The following GLIPR1L2 variants were observed in gnomAD, a reference collection of about 807,000 sequenced individuals.
GLIPR1L2 encodes the protein GLIPR1-like protein 2.
GLIPR1L2 carries 21 observed loss-of-function variants against 28.4 expected under a neutral mutation model. The ratio of observed to expected loss-of-function variants is 0.74; its 90% confidence interval spans 0.52 to 1.06. The LOEUF is 1.06. Ranked by LOEUF, GLIPR1L2 falls within the 50% of genes least tolerant of loss-of-function variation. The pLI is 0.00. For synonymous variants in GLIPR1L2, 145 were observed against 139.3 expected (o/e 1.04, Z -0.29); for missense variants, 476 against 416.9 (o/e 1.14, Z -1.23).
chr12:75,406,771 AAAAGAGAG>A (rs2045805450), intron 1 of GLIPR1L2, among the ~76,000 whole-genome samples: 2 of 141,370 alleles, frequency 1.4e-5, no homozygotes, highest in Admixed American at 1.5e-4. Context: ...AAAAAAAAAA[AAAAGAGAG>A]AGAGAGAGAA....
At chr12:75,412,494 A>G (rs1327959137) in intron 2 of GLIPR1L2, among the ~76,000 whole-genome samples, 1 of 152,180 alleles carries the variant, frequency 6.6e-6, no homozygotes, top group South Asian at 2.1e-4. Context: ...AAACAAATTT[A>G]CAAGAAAAAA....
chr12:75,431,380 TG>T lies in GLIPR1L2; in HGVS notation c.*220del, dbSNP rs1282525112. The T allele has an allele frequency of 6.9e-6, 3 of 436,228 alleles. No homozygotes were observed. The East Asian group carries it at 1.0e-4, about 15-fold the overall frequency. 27.0% of individuals were successfully genotyped at this position (436,228 alleles called of 1,614,324 possible). A position where few individuals can be genotyped will look rare whatever the true frequency, so the allele number is the denominator to read the frequency against. Reference sequence around the variant, plus strand: ...CAAAAAACATGTAAGGTGGGCTCTTTGACACTAAGAACAGATAAAGACATGA... The same window carrying T: ...CAAAAAACATGTAAGGTGGGCTCTTTACACTAAGAACAGATAAAGACATGA... On this transcript the variant is annotated 3_prime_UTR_variant, in exon 6 of 6. Transcript: ENST00000550916.
At chr12:75,422,767 A>G in intron 3 of GLIPR1L2, 137 bp from the exon 4 acceptor site, 1 of 628,732 alleles carries the variant, frequency 1.6e-6, no homozygotes. Flanking sequence ...TTGAATCTCT[A>G]ATTAAAGTAT....
chr12:75,430,692 G>A, intron 4 of GLIPR1L2, 23 bp from the exon 5 acceptor site: 1 of 1,524,574 alleles, frequency 6.6e-7, no homozygotes, highest in Non-Finnish European at 8.8e-7. Flanking sequence ...TGTAATTTTT[G>A]TGGACTTTCT....
Position 75,418,456 on chromosome 12 carries a change from C to T in GLIPR1L2, c.585-4448C>T, listed in dbSNP as rs569091762. On this transcript the variant is annotated intron_variant, in intron 3 of 5. Transcript: ENST00000550916. Reference sequence around the variant, plus strand: ...ACTATAAAGGAACACATGTATGAATCTGAGTATAGAAAAAATTATTTATTA... The same window carrying T: ...ACTATAAAGGAACACATGTATGAATTTGAGTATAGAAAAAATTATTTATTA... Among the ~76,000 whole-genome samples, 3 of 152,210 alleles carry T rather than the reference C, an allele frequency of 2.0e-5. No individual in the cohort carries two copies. The East Asian group carries it at 5.8e-4, about 29-fold the overall frequency.
chr12:75,398,853 A>G (rs1424674981), intron 1 of GLIPR1L2, among the ~76,000 whole-genome samples: 5 of 152,102 alleles, frequency 3.3e-5, no homozygotes, highest in Admixed American at 1.3e-4. Context: ...ATTCTAATAC[A>G]TTTTTTAAGG....
intron 1 of GLIPR1L2, chr12:75,402,998 A>G (rs1480908167): frequency 2.2e-6 from 1 of 456,804 alleles, no homozygotes; most frequent in Non-Finnish European, 4.4e-6. Context: ...AGTGTCATGA[A>G]CAATTTTTCC....
In GLIPR1L2 at chr12:75,422,937, A is replaced by G. The variant is rs2045992436; in HGVS notation, c.618A>G (p.Gly206=). The change falls in exon 4 of 6, where the codon GGA becomes GGG. Residue 206 remains glycine, a synonymous_variant. Coordinates refer to ENST00000550916, the MANE Select transcript of GLIPR1L2 (RefSeq NM_001270396.2). ...GTLTRRPYEP[G]IFCTRCGRRD... is the part of the protein sequence containing the mutation. The stretch of plus-strand genomic sequence containing the variant: ...TGACGAGAAGACCTTATGAACCAGG[A>G]ATATTTTGTACTCGATGTGGCAGAC... The G allele has an allele frequency of 3.7e-6, 6 of 1,612,492 alleles. No individual in the cohort carries two copies. Among genetic ancestry groups the G allele is most frequent in the Non-Finnish European group, 5.1e-6 (6 of 1,179,560 alleles).
intron 3 of GLIPR1L2, among the ~76,000 whole-genome samples, chr12:75,422,194 A>C (rs113707643): frequency 6.6e-6 from 1 of 150,942 alleles, no homozygotes; most frequent in Non-Finnish European, 1.5e-5. Context: ...AGGTCTTGCT[A>C]TGTTACCCAG....
At chr12:75,426,567 A>T (rs549164153) in intron 4 of GLIPR1L2, among the ~76,000 whole-genome samples, 3 of 151,970 alleles carry the variant, frequency 2.0e-5, no homozygotes, top group African/African-American at 7.3e-5. Context: ...TCATTGGCAA[A>T]CTCTTACCTG....
rs1465415142 is a variant in GLIPR1L2 at position 75,391,106 on chromosome 12, G to T, written c.-11G>T. The T allele has an allele frequency of 1.7e-5, 27 of 1,601,736 alleles. No homozygotes were observed. The highest frequency in any genetic ancestry group is 2.2e-5 in the Non-Finnish European group (26 of 1,170,528). ...GCGCGTGCGCACTGGCCTGTCAGCGGCCGGTGGACCATGGAGGCCGCAAGG... is the reference window on the plus strand; with the variant it reads ...GCGCGTGCGCACTGGCCTGTCAGCGTCCGGTGGACCATGGAGGCCGCAAGG... On this transcript the variant is annotated 5_prime_UTR_variant, in exon 1 of 6. Coordinates refer to ENST00000550916, the MANE Select transcript of GLIPR1L2 (RefSeq NM_001270396.2).
At position 75,431,358 on chromosome 12, in the gene GLIPR1L2, A is replaced by G; in HGVS notation, c.*197A>G. On this transcript the variant is annotated 3_prime_UTR_variant, in exon 6 of 6. Transcript: ENST00000550916. ...TTAAATTTGTAAAACAAAGAAACAAAAAACATGTAAGGTGGGCTCTTTGAC... is the reference window on the plus strand; with the variant it reads ...TTAAATTTGTAAAACAAAGAAACAAGAAACATGTAAGGTGGGCTCTTTGAC... 2.2e-6 allele frequency: 1 copy of G among 464,970 alleles called. No individual in the cohort carries two copies. The highest frequency in any genetic ancestry group is 3.2e-5 in the East Asian group (1 of 31,168). The allele number at this position is 464,970 out of a possible 1,614,324, so 28.8% of individuals were successfully genotyped here.
chr12:75,399,531 G>C (rs2045716854), intron 1 of GLIPR1L2, among the ~76,000 whole-genome samples: 1 of 152,160 alleles, frequency 6.6e-6, no homozygotes, highest in Non-Finnish European at 1.5e-5. Context: ...AAGCAAAGCT[G>C]TGTATCCTTT....
intron 4 of GLIPR1L2, among the ~76,000 whole-genome samples, chr12:75,429,757 C>T (rs1159041323): frequency 2.6e-5 from 4 of 151,942 alleles, no homozygotes; most frequent in Non-Finnish European, 5.9e-5. Flanking sequence ...TGAATGAATT[C>T]TCATAAGATC....
chr12:75,429,067 C>T (rs1443502722), intron 4 of GLIPR1L2, among the ~76,000 whole-genome samples: 1 of 152,174 alleles, frequency 6.6e-6, no homozygotes. Flanking sequence ...CCTACTGGGG[C>T]ACTGCATAAT....
chr12:75,393,838 C>A (rs886741918), intron 1 of GLIPR1L2, among the ~76,000 whole-genome samples: 1 of 151,960 alleles, frequency 6.6e-6, no homozygotes, highest in Non-Finnish European at 1.5e-5. Flanking sequence ...ATAGTGGCTG[C>A]ACCATTTTAC....
intron 2 of GLIPR1L2, among the ~76,000 whole-genome samples, chr12:75,411,390 A>C (rs568569681): frequency 6.6e-6 from 1 of 152,000 alleles, no homozygotes; most frequent in South Asian, 2.1e-4. Context: ...ATAGACCCTG[A>C]TGTCACGTTT....
At chr12:75,422,726 C>T (rs1447836340) in intron 3 of GLIPR1L2, among the ~76,000 whole-genome samples, 178 bp from the exon 4 acceptor site, 1 of 152,194 alleles carries the variant, frequency 6.6e-6, no homozygotes, top group Non-Finnish European at 1.5e-5. Flanking sequence ...TCAGAAAAGA[C>T]CGTTTCCTAG....
chr12:75,396,934 T>G (rs895760089), intron 1 of GLIPR1L2, among the ~76,000 whole-genome samples: 1 of 152,210 alleles, frequency 6.6e-6, no homozygotes, highest in African/African-American at 2.4e-5. Flanking sequence ...AAGCATGCAT[T>G]TATTTTTATT....
Sources: gnomAD v4.1 joint callset for allele counts (sites outside exome capture counted in the v4.1 genomes callset) on GRCh38, gnomAD v4.1.1 for gene constraint, MANE v1.5 for transcripts, NCBI Gene and HGNC (gene_info 2026-07-23, HGNC 2026-07-21) for gene names.